Variants in CDYL2 observed in about 807,000 individuals in gnomAD.
The protein encoded by CDYL2 is chromodomain Y like 2.
CDYL2 carries 23 observed loss-of-function variants against 49.4 expected under a neutral mutation model. The observed-to-expected ratio is 0.47, with a 90% confidence interval of 0.34 to 0.66. The LOEUF is 0.66. CDYL2 is among the 30% of genes least tolerant of loss of function. The probability of loss-of-function intolerance (pLI) is 0.01; values close to 1 mark genes in which losing one functional copy is unlikely to be tolerated. For synonymous variants in CDYL2, 360 were observed against 268.8 expected, an observed-to-expected ratio of 1.34 and a Z score of -3.32; for missense variants, 678 against 656.4, an observed-to-expected ratio of 1.03 and a Z score of -0.36.
intron 2 of CDYL2, among the ~76,000 whole-genome samples, chr16:80,676,821 G>C (rs1046277273): frequency 6.6e-6 from 1 of 152,114 alleles, no homozygotes; most frequent in African/African-American, 2.4e-5. Flanking sequence ...TAATCATTTG[G>C]ATAAGGGAGG....
chr16:80,666,489 G>C (rs1326116621), intron 2 of CDYL2, among the ~76,000 whole-genome samples: 1 of 152,152 alleles, frequency 6.6e-6, no homozygotes, highest in African/African-American at 2.4e-5. Context: ...TCATGGGGGA[G>C]GGAGCCTGGC....
At chr16:80,748,650 A>G (rs1235803050) in intron 1 of CDYL2, among the ~76,000 whole-genome samples, 2 of 152,060 alleles carry the variant, frequency 1.3e-5, no homozygotes, top group African/African-American at 4.8e-5. Context: ...TGAAGAATAA[A>G]CAAGATAACT....
intron 2 of CDYL2, 26 bp downstream of exon 2, chr16:80,684,512 A>T (rs753908069): frequency 2.5e-6 from 4 of 1,595,844 alleles, no homozygotes; most frequent in Non-Finnish European, 2.6e-6. Flanking sequence ...CCAGAGCCAA[A>T]CCCAAGAGAA....
chr16:80,707,403 G>A (rs1904442013), intron 1 of CDYL2, among the ~76,000 whole-genome samples: 1 of 152,164 alleles, frequency 6.6e-6, no homozygotes, highest in Non-Finnish European at 1.5e-5. Flanking sequence ...CAAAGCTGCA[G>A]TAAGCTACGA....
chr16:80,654,723 T>A (rs1908731102), intron 2 of CDYL2, among the ~76,000 whole-genome samples: 2 of 152,220 alleles, frequency 1.3e-5, no homozygotes. Flanking sequence ...ACATCAGAGC[T>A]GCCCGGCATG....
intron 1 of CDYL2, among the ~76,000 whole-genome samples, chr16:80,782,412 T>A (rs1317117220): frequency 6.7e-6 from 1 of 149,890 alleles, no homozygotes; most frequent in Non-Finnish European, 1.5e-5. Flanking sequence ...ACCAAACATA[T>A]AAAGAATTAG....
At chr16:80,788,947 A>G (rs948641821) in intron 1 of CDYL2, among the ~76,000 whole-genome samples, 1 of 152,208 alleles carries the variant, frequency 6.6e-6, no homozygotes. Context: ...CAACCATTAA[A>G]AACTGGGCAA....
At chr16:80,687,114 C>G (rs565645057) in intron 1 of CDYL2, among the ~76,000 whole-genome samples, 4 of 152,202 alleles carry the variant, frequency 2.6e-5, no homozygotes, top group Admixed American at 6.5e-5. Context: ...TAGGGAGAAA[C>G]TCTCTACAGG....
intron 2 of CDYL2, among the ~76,000 whole-genome samples, chr16:80,652,562 A>G (rs183131583): frequency 7.7e-4 from 117 of 152,318 alleles, no homozygotes; most frequent in Admixed American, 2.9e-3. Flanking sequence ...TTCCTGAGTG[A>G]GCACCACGCA....
chr16:80,604,600 A>T, intron 6 of CDYL2, 54 bp from the exon 7 acceptor site: 1 of 1,598,900 alleles, frequency 6.3e-7, no homozygotes, highest in Non-Finnish European at 8.6e-7. Context: ...TCTGCTCCAG[A>T]ACTAGGTACC....
intron 4 of CDYL2, among the ~76,000 whole-genome samples, chr16:80,615,004 C>T (rs1906765606): frequency 6.6e-6 from 1 of 151,978 alleles, no homozygotes; most frequent in African/African-American, 2.4e-5. Context: ...GAGAAGTCTA[C>T]TTAATGTTCT....
chr16:80,645,541 T>G (rs563179038), intron 2 of CDYL2, among the ~76,000 whole-genome samples: 1 of 152,320 alleles, frequency 6.6e-6, no homozygotes, highest in African/African-American at 2.4e-5. Flanking sequence ...TTGGTGGTAC[T>G]GTAAACTAGT....
At chr16:80,631,351 T>C (rs780380310) in intron 3 of CDYL2, among the ~76,000 whole-genome samples, 3 of 152,214 alleles carry the variant, frequency 2.0e-5, no homozygotes, top group Non-Finnish European at 2.9e-5. Context: ...CCAGGCATCT[T>C]GTAGGAAAAG....
chr16:80,696,402 G>A (rs1049379836), intron 1 of CDYL2, among the ~76,000 whole-genome samples: 1 of 151,202 alleles, frequency 6.6e-6, no homozygotes, highest in African/African-American at 2.4e-5. Flanking sequence ...CAGAAATAGG[G>A]ACTAAAAAAT....
chr16:80,642,034 G>T (rs1908117473), intron 2 of CDYL2, among the ~76,000 whole-genome samples: 2 of 151,982 alleles, frequency 1.3e-5, no homozygotes, highest in South Asian at 4.2e-4. Context: ...AAATAGAAAG[G>T]ATAAACAATG....
intron 2 of CDYL2, among the ~76,000 whole-genome samples, chr16:80,666,801 A>G (rs1909283710): frequency 6.6e-6 from 1 of 152,176 alleles, no homozygotes; most frequent in African/African-American, 2.4e-5. Context: ...CAGGACCCCC[A>G]TCTTAAAGCA....
Position 80,612,898 on chromosome 16 carries a change from C to G in CDYL2, c.1008-62G>C. On this transcript the variant is annotated intron_variant, in intron 4 of 6. Coordinates refer to ENST00000570137, the MANE Select transcript of CDYL2 (RefSeq NM_152342.4). The surrounding 1 kb of genome is among the most constrained non-coding windows in gnomAD (Gnocchi z 5.0). ...ATAGCATGCTAAGCCCCACTGGAAC[C>G]CTTGACTCTCCCAGGTGCTGTGAGG... The G allele has an allele frequency of 6.9e-7, 1 of 1,444,724 alleles. No individual in the cohort carries two copies. The highest frequency in any genetic ancestry group is 2.0e-4 in the Middle Eastern group (1 of 4,974). The allele number at this position is 1,444,724 out of a possible 1,614,324, so 89.5% of individuals were successfully genotyped here. A position where few individuals can be genotyped will look rare whatever the true frequency, so the allele number is the denominator to read the frequency against.
intron 1 of CDYL2, among the ~76,000 whole-genome samples, chr16:80,796,844 G>A (rs1267514224): frequency 6.6e-6 from 1 of 152,048 alleles, no homozygotes; most frequent in Non-Finnish European, 1.5e-5. Flanking sequence ...TCATCACACT[G>A]CAATCAAGCC....
Position 80,598,651 on chromosome 16 carries a change from G to A in CDYL2, c.*5737C>T, listed in dbSNP as rs1305118871. The A allele has an allele frequency of 6.6e-6, 1 of 152,158 alleles. No homozygotes were observed. The highest frequency in any genetic ancestry group is 1.5e-5 in the Non-Finnish European group (1 of 68,042). 9.4% of individuals were successfully genotyped at this position (152,158 alleles called of 1,614,324 possible). ...GGCCAGATAACCTGGAGGAGTACCA[G>A]GCCTCCACTTTTATGATATGGATAC... On this transcript the variant is annotated 3_prime_UTR_variant, in exon 7 of 7. Coordinates refer to ENST00000570137, the MANE Select transcript of CDYL2 (RefSeq NM_152342.4).
Sources: allele counts gnomAD v4.1 joint callset (sites outside exome capture counted in the v4.1 genomes callset), GRCh38; gene constraint gnomAD v4.1.1; non-coding constraint Gnocchi (gnomAD v3.1); transcripts MANE v1.5; gene names NCBI Gene and HGNC (gene_info 2026-07-23, HGNC 2026-07-21).